The following IGSF21 variants were observed in gnomAD, a reference collection of about 807,000 sequenced individuals.
IGSF21 encodes the protein immunoglobin superfamily member 21, also known as immunoglobulin superfamily member 21.
In IGSF21, 28 loss-of-function variants were observed where a neutral mutation model predicts 46.8. The ratio of observed to expected loss-of-function variants is 0.60; its 90% CI spans 0.44 to 0.82. IGSF21 has a LOEUF of 0.82. Among genes scored for constraint, IGSF21 ranks in the 40% least tolerant of loss-of-function variants. The pLI is 0.00. For synonymous variants in IGSF21, 284 were observed against 273.6 expected (o/e 1.04, Z -0.38); for missense variants, 624 against 665.5 (o/e 0.94, Z 0.69).
rs1039731653 is a variant in IGSF21 at position 18,122,519 on chromosome 1, C to A, written c.70+14321C>A. ...CCAACTGTACTATTTTTTACACCAT[C>A]ATTTTCTTAAAATCAAATTTCAATA... On this transcript the variant is annotated intron_variant, in intron 1 of 9. Transcript: ENST00000251296. Among the ~76,000 whole-genome samples the A allele has an allele frequency of 3.3e-5, 5 of 151,950 alleles. No individual in the cohort carries two copies. In the East Asian group the frequency reaches 9.7e-4, roughly 29 times the overall value.
intron 3 of IGSF21, among the ~76,000 whole-genome samples, chr1:18,311,631 G>T (rs2085489594): frequency 6.6e-6 from 1 of 152,134 alleles, no homozygotes; most frequent in African/African-American, 2.4e-5. Context: ...CCCGAGACTG[G>T]GTAATTTATA....
chr1:18,260,302 T>C (rs552677864), intron 2 of IGSF21, among the ~76,000 whole-genome samples: 1 of 152,252 alleles, frequency 6.6e-6, no homozygotes, highest in East Asian at 1.9e-4. Flanking sequence ...GGCCCAGAAA[T>C]GGTGGCAGGA....
chr1:18,294,731 G>C (rs2085296275), intron 3 of IGSF21, among the ~76,000 whole-genome samples: 1 of 152,234 alleles, frequency 6.6e-6, no homozygotes, highest in Admixed American at 6.5e-5. Flanking sequence ...GAACACCCCA[G>C]GGAGCTGAGC....
chr1:18,320,440 G>A (rs551373863), intron 3 of IGSF21, among the ~76,000 whole-genome samples: 9 of 152,304 alleles, frequency 5.9e-5, no homozygotes, highest in South Asian at 2.1e-4. Context: ...GAGGAAGCTC[G>A]GAGTTTCAAT....
chr1:18,108,340 C>A, intron 1 of IGSF21, 142 bp downstream of exon 1: 2 of 869,316 alleles, frequency 2.3e-6, no homozygotes, highest in Non-Finnish European at 3.0e-6. Context: ...AGCTGGTTGG[C>A]TCGATGAGGG....
chr1:18,341,045 C>CTTCTTTTCT (rs55780171), intron 4 of IGSF21, among the ~76,000 whole-genome samples: 1 of 78,402 alleles, frequency 1.3e-5, no homozygotes, highest in African/African-American at 5.2e-5. Flanking sequence ...CTTCTTCTTC[C>CTTCTTTTCT]TCTTCCTCTT....
chr1:18,360,965 C>T (rs910390106), intron 4 of IGSF21, among the ~76,000 whole-genome samples: 1 of 141,390 alleles, frequency 7.1e-6, no homozygotes, highest in Admixed American at 7.2e-5. Context: ...CTGCCCCTTG[C>T]GATGCCCCAC....
intron 5 of IGSF21, among the ~76,000 whole-genome samples, chr1:18,362,456 C>T (rs2086111926): frequency 6.6e-6 from 1 of 152,244 alleles, no homozygotes. Flanking sequence ...CCCCACTTCT[C>T]CTGGAGACAA....
In IGSF21 at chr1:18,161,491, T is replaced by TC. The variant is rs1488024863; in HGVS notation, c.70+53299dup. On this transcript the variant is annotated intron_variant, in intron 1 of 9. Coordinates refer to ENST00000251296, the MANE Select transcript of IGSF21 (RefSeq NM_032880.5). Reference sequence around the variant, plus strand: ...AGGCCACCAAAAGCCTTATTTACCTTCCCCCCAGCCCACTTTCCTGGGCTT... The same window carrying TC: ...AGGCCACCAAAAGCCTTATTTACCTTCCCCCCCAGCCCACTTTCCTGGGCTT... Among the ~76,000 whole-genome samples the TC allele has an allele frequency of 5.9e-5, 9 of 151,638 alleles. No individual in the cohort carries two copies. In the East Asian group the frequency reaches 1.2e-3, roughly 20 times the overall value.
At chr1:18,168,529 C>G (rs758377989) in intron 1 of IGSF21, among the ~76,000 whole-genome samples, 3 of 152,204 alleles carry the variant, frequency 2.0e-5, no homozygotes, top group Non-Finnish European at 4.4e-5. Flanking sequence ...AGCTGGACCA[C>G]TGAATCCCAT....
intron 1 of IGSF21, among the ~76,000 whole-genome samples, chr1:18,171,964 G>A (rs2086741274): frequency 6.6e-6 from 1 of 152,332 alleles, no homozygotes; most frequent in African/African-American, 2.4e-5. Context: ...TCTGGGAAAG[G>A]TTGAAGAGGT....
At chr1:18,260,496 C>G (rs550433815) in intron 2 of IGSF21, among the ~76,000 whole-genome samples, 2 of 152,250 alleles carry the variant, frequency 1.3e-5, no homozygotes, top group Non-Finnish European at 2.9e-5. Flanking sequence ...AGCAGGGCTA[C>G]CCCACAGGTA....
Position 18,234,112 on chromosome 1 carries a change from G to T in IGSF21, c.183+6102G>T, listed in dbSNP as rs143571763. 7.9e-3 allele frequency among the ~76,000 whole-genome samples: 1,198 copies of T among 152,260 alleles called. 6 individuals are homozygous for T. The highest frequency in any genetic ancestry group is 0.013 in the Non-Finnish European group (874 of 68,000). On this transcript the variant is annotated intron_variant, in intron 2 of 9. Coordinates refer to ENST00000251296, the MANE Select transcript of IGSF21 (RefSeq NM_032880.5). ...CTAGACAACCCCTTTGGCCCTTCTT[G>T]CTTGGCAGCCACTCATCCTGGCTGC...
At chr1:18,318,309 G>A (rs575075165) in intron 3 of IGSF21, among the ~76,000 whole-genome samples, 5 of 152,030 alleles carry the variant, frequency 3.3e-5, no homozygotes, top group Non-Finnish European at 7.4e-5. Flanking sequence ...CAAAAAACAC[G>A]TCTCCTTACA....
intron 1 of IGSF21, among the ~76,000 whole-genome samples, chr1:18,152,662 T>C (rs1357344022): frequency 6.6e-6 from 1 of 152,140 alleles, no homozygotes; most frequent in Non-Finnish European, 1.5e-5. Context: ...GATTTTAGAC[T>C]TGAAGCTCCA....
Position 18,322,151 on chromosome 1 carries a change from C to T in IGSF21, c.306-12741C>T, listed in dbSNP as rs2085608979. Among the ~76,000 whole-genome samples the T allele has an allele frequency of 6.6e-6, 1 of 152,190 alleles. No homozygotes were observed. The highest frequency in any genetic ancestry group is 2.4e-5 in the African/African-American group (1 of 41,452). On this transcript the variant is annotated intron_variant, in intron 3 of 9. Transcript: ENST00000251296. This position sits in a 1 kb window ranked among gnomAD's most constrained non-coding sequence, Gnocchi z 4.3. ...TGAGATCAGTTTTCAGTGCCTCGCA[C>T]AGGGTCTCGCACACAGGAGGTGCTC...
intron 1 of IGSF21, among the ~76,000 whole-genome samples, chr1:18,178,043 A>G (rs1191171018): frequency 6.6e-6 from 1 of 152,110 alleles, no homozygotes; most frequent in African/African-American, 2.4e-5. Context: ...AACAGATATA[A>G]CCTTGAAGTG....
At chr1:18,244,388 C>T (rs2084763566) in intron 2 of IGSF21, among the ~76,000 whole-genome samples, 1 of 152,224 alleles carries the variant, frequency 6.6e-6, no homozygotes, top group South Asian at 2.1e-4. Context: ...AGGTGTTGGG[C>T]TGTGATGGGC....
chr1:18,340,350 A>G (rs1158394025), intron 4 of IGSF21, among the ~76,000 whole-genome samples: 1 of 152,172 alleles, frequency 6.6e-6, no homozygotes, highest in Non-Finnish European at 1.5e-5. Flanking sequence ...GGAAAAACCC[A>G]TCAGGGATGG....
Sources: gnomAD v4.1 joint callset for allele counts (sites outside exome capture counted in the v4.1 genomes callset) on GRCh38, gnomAD v4.1.1 for gene constraint, Gnocchi (gnomAD v3.1) non-coding constraint, MANE v1.5 for transcripts, NCBI Gene and HGNC (gene_info 2026-07-23, HGNC 2026-07-21) for gene names.